Variants in PIEZO1 observed in about 807,000 individuals in gnomAD.
PIEZO1 encodes piezo-type mechanosensitive ion channel component 1.
Under a neutral mutation model 297.2 loss-of-function variants are expected in PIEZO1, and 296 were observed. That is an observed-to-expected ratio of 1.00 (90% CI 0.91 to 1.10). PIEZO1 has a LOEUF of 1.10. Among genes scored for constraint, PIEZO1 ranks in the 50% least tolerant of loss-of-function variants. The probability of loss-of-function intolerance (pLI) is 0.00; values close to 1 mark genes in which losing one functional copy is unlikely to be tolerated. For synonymous variants in PIEZO1, 2,427 were observed against 1,507.5 expected (o/e 1.61, Z -14.13); for missense variants, 5,018 against 3,455.5 (o/e 1.45, Z -11.34).
chr16:88,734,392 G>C lies in PIEZO1; in HGVS notation c.2144C>G (p.Ser715Cys), dbSNP rs1194101534. Residue 715 changes from serine to cysteine, a missense_variant, in exon 16 of 51, where the codon TCC becomes TGC. Physicochemically the swap from Ser to Cys is moderately radical, Grantham distance 112 (BLOSUM62 -1). Coordinates refer to ENST00000301015, the MANE Select transcript of PIEZO1 (RefSeq NM_001142864.4). The part of the protein sequence containing the change: ...FMQLTDMEHV[S>C]LPGTRLPRWA... Reference sequence around the variant, plus strand: ...GCGCGGGAGGCGCGTGCCAGGCAGGGACACGTGCTCCATGTCGGTGAGCTG... The same window carrying C: ...GCGCGGGAGGCGCGTGCCAGGCAGGCACACGTGCTCCATGTCGGTGAGCTG... The C allele has an allele frequency of 1.3e-6, 2 of 1,547,642 alleles. No individual in the cohort carries two copies. Among genetic ancestry groups the C allele is most frequent in the South Asian group, 2.4e-5 (2 of 83,856 alleles).
At position 88,716,607 on chromosome 16, in the gene PIEZO1, T is replaced by C. The variant is rs1393434613; in HGVS notation, c.6878A>G (p.Tyr2293Cys). ...PSRAQMKRELYNGTADITLRF... is the reference protein window; with the variant it reads ...PSRAQMKRELCNGTADITLRF... ...CAGGGTGATGTCGGCCGTGCCGTTG[T>C]AGAGCTCCCGCTTCATCTGGGCACG... The change falls in exon 47 of 51, where the codon TAC (tyrosine) becomes TGC (cysteine). Residue 2293 changes from tyrosine (Y) to cysteine (C), a missense_variant. By Grantham distance (194) the Tyr-to-Cys change is radical (BLOSUM62 -2). Coordinates refer to ENST00000301015, the MANE Select transcript of PIEZO1 (RefSeq NM_001142864.4). 2 of 1,549,816 alleles carry C rather than the reference T, an allele frequency of 1.3e-6. No individual in the cohort carries two copies. The highest frequency in any genetic ancestry group is 1.7e-6 in the Non-Finnish European group (2 of 1,146,750).
rs1911919335 is a variant in PIEZO1 at position 88,715,439 on chromosome 16, T to C, written c.*166A>G. 2.2e-6 allele frequency: 2 copies of C among 926,148 alleles called. No individual in the cohort carries two copies. The highest frequency in any genetic ancestry group is 3.3e-5 in the African/African-American group (2 of 60,526). 57.4% of individuals were successfully genotyped at this position (926,148 alleles called of 1,614,324 possible). ...CGCCACGCAGGCCGTGGGGACGCAG[T>C]GTCCTTCTCTGACAGCAGCATCAGG... On this transcript the variant is annotated 3_prime_UTR_variant, in exon 51 of 51. Transcript: ENST00000301015.
chr16:88,754,893 G>A (rs931111844), intron 1 of PIEZO1, among the ~76,000 whole-genome samples: 1 of 152,226 alleles, frequency 6.6e-6, no homozygotes, highest in African/African-American at 2.4e-5. Context: ...TCGTGTGAAC[G>A]AACGCCCCGG....
intron 30 of PIEZO1, among the ~76,000 whole-genome samples, chr16:88,724,532 A>G (rs1026353835): frequency 7.9e-5 from 8 of 101,538 alleles, no homozygotes; most frequent in Non-Finnish European, 1.0e-4. Context: ...CACCGTCTCC[A>G]AAAAAAAAAA....
chr16:88,735,633 A>C (rs1169912577), intron 12 of PIEZO1, among the ~76,000 whole-genome samples: 1 of 152,284 alleles, frequency 6.6e-6, no homozygotes, highest in Non-Finnish European at 1.5e-5. Flanking sequence ...ACACAGGCTC[A>C]CAAGTTTCAC....
intron 2 of PIEZO1, chr16:88,743,441 G>C: frequency 2.3e-6 from 1 of 441,190 alleles, no homozygotes; most frequent in South Asian, 1.6e-5. Context: ...CCACGAGAAA[G>C]TGCAGAACAG....
intron 2 of PIEZO1, chr16:88,742,644 G>A: frequency 1.9e-6 from 1 of 539,378 alleles, no homozygotes; most frequent in South Asian, 2.2e-5. Flanking sequence ...TCCTGGGGGT[G>A]GCAGCAGGAT....
chr16:88,736,119 C>G, intron 12 of PIEZO1, 29 bp downstream of exon 12: 1 of 1,521,638 alleles, frequency 6.6e-7, no homozygotes, highest in Non-Finnish European at 8.8e-7. Flanking sequence ...CGCACCCAGG[C>G]ACCCCCGGAT....
intron 1 of PIEZO1, among the ~76,000 whole-genome samples, chr16:88,776,506 C>G (rs980723306): frequency 4.6e-5 from 7 of 152,004 alleles, no homozygotes; most frequent in Non-Finnish European, 1.0e-4. Flanking sequence ...GGCCCAGCTT[C>G]CCTTGGAGGG....
At chr16:88,755,691 CG>C (rs200101191) in intron 1 of PIEZO1, among the ~76,000 whole-genome samples, 2,784 of 152,358 alleles carry the variant, frequency 0.018, 49 homozygotes, top group Non-Finnish European at 0.03. Flanking sequence ...TTTCACCGAA[CG>C]GTGGCGCCTA....
chr16:88,729,829 A>C (rs1177508128), intron 22 of PIEZO1, among the ~76,000 whole-genome samples: 6 of 150,206 alleles, frequency 4.0e-5, no homozygotes, highest in African/African-American at 9.9e-5. Flanking sequence ...CTCGCGACCC[A>C]AAAACAAAGT....
intron 2 of PIEZO1, chr16:88,743,988 G>T: frequency 4.2e-6 from 1 of 238,422 alleles, no homozygotes; most frequent in Non-Finnish European, 8.6e-6. Flanking sequence ...CAGGGCTCCC[G>T]GAGGACAGGA....
intron 2 of PIEZO1, chr16:88,743,171 G>T: frequency 2.2e-6 from 1 of 455,862 alleles, no homozygotes; most frequent in Non-Finnish European, 4.4e-6. Flanking sequence ...CAGCAGGGAG[G>T]CCTTCGGCTG....
chr16:88,771,273 T>G (rs757093914), intron 1 of PIEZO1, among the ~76,000 whole-genome samples: 3 of 152,204 alleles, frequency 2.0e-5, no homozygotes, highest in Non-Finnish European at 4.4e-5. Context: ...AAGGACGAAG[T>G]GCTGGAGGCT....
chr16:88,716,149 C>G, intron 49 of PIEZO1, 30 bp from the exon 50 acceptor site: 1 of 1,527,816 alleles, frequency 6.5e-7, no homozygotes, highest in Non-Finnish European at 8.8e-7. Flanking sequence ...TCGTTGAGGC[C>G]GCAGGTCACC....
At chr16:88,719,491 G>C in intron 44 of PIEZO1, 83 bp downstream of exon 44, 1 of 1,358,940 alleles carries the variant, frequency 7.4e-7, no homozygotes, top group Non-Finnish European at 1.0e-6. Flanking sequence ...AGCACCACGG[G>C]TTCTCGTGGC....
chr16:88,784,164 A>G (rs935237488), intron 1 of PIEZO1, among the ~76,000 whole-genome samples: 15 of 152,212 alleles, frequency 9.9e-5, no homozygotes, highest in African/African-American at 2.9e-4. Flanking sequence ...CAGGGAACAC[A>G]GATGCCAGGA....
In PIEZO1 at chr16:88,735,265, G is replaced by A. The variant is rs1259165449; in HGVS notation, c.1558-19C>T. 3 of 1,519,684 alleles carry A rather than the reference G, an allele frequency of 2.0e-6. No homozygotes were observed. The highest frequency in any genetic ancestry group is 2.8e-5 in the African/African-American group (2 of 72,532). The allele number at this position is 1,519,684 out of a possible 1,614,324, so 94.1% of individuals were successfully genotyped here. A position where few individuals can be genotyped will look rare whatever the true frequency, so the allele number is the denominator to read the frequency against. On this transcript the variant is annotated intron_variant, in intron 12 of 50. Transcript: ENST00000301015. ...AGAGCAACTGTGACAAGCGCAGGGT[G>A]TCACAGTCAGCCGGGGGGCCCAGCA... is the stretch of plus-strand genomic sequence containing the variant.
chr16:88,765,493 G>C (rs1907132912), intron 1 of PIEZO1, among the ~76,000 whole-genome samples: 1 of 152,146 alleles, frequency 6.6e-6, no homozygotes, highest in African/African-American at 2.4e-5. Flanking sequence ...AAGTGAAATG[G>C]GGACAGAATT....
Sources: allele counts gnomAD v4.1 joint callset (sites outside exome capture counted in the v4.1 genomes callset), GRCh38; gene constraint gnomAD v4.1.1; transcripts MANE v1.5; gene names NCBI Gene and HGNC (gene_info 2026-07-23, HGNC 2026-07-21).